Variants in PPP2R2B observed in about 807,000 individuals in gnomAD.
PPP2R2B encodes the protein serine/threonine-protein phosphatase 2A 55 kDa regulatory subunit B beta isoform.
Under a neutral mutation model 46.0 loss-of-function variants are expected in PPP2R2B, and 5 were observed. The ratio of observed to expected loss-of-function variants is 0.11; its 90% CI spans 0.06 to 0.23. The LOEUF is 0.23. Ranked by LOEUF, PPP2R2B falls within the 10% of genes least tolerant of loss-of-function variation. PPP2R2B has a pLI of 1.00. For missense variants in PPP2R2B, 367 were observed against 575.0 expected, an observed-to-expected ratio of 0.64 and a Z score of 3.70; for synonymous variants, 215 against 206.7, an observed-to-expected ratio of 1.04 and a Z score of -0.34.
intron 5 of PPP2R2B, among the ~76,000 whole-genome samples, chr5:146,654,248 T>G (rs1211445788): frequency 6.6e-6 from 1 of 152,114 alleles, no homozygotes; most frequent in Non-Finnish European, 1.5e-5. Context: ...GATTCCTCTG[T>G]TTGCCCCATT....
chr5:146,829,621 T>C (rs899406257), intron 2 of PPP2R2B, among the ~76,000 whole-genome samples: 2 of 152,146 alleles, frequency 1.3e-5, no homozygotes, highest in African/African-American at 4.8e-5. Context: ...GCCTATTTCA[T>C]AGAGACACCA....
At position 146,981,787 on chromosome 5, in the gene PPP2R2B, C is replaced by T. The variant is rs190834018; in HGVS notation, c.79+73878G>A. Among the ~76,000 whole-genome samples, 140 of 152,278 alleles carry T rather than the reference C, an allele frequency of 9.2e-4. 1 individual carries two copies. Among genetic ancestry groups the T allele is most frequent in the African/African-American group, 3.1e-3 (129 of 41,532 alleles). ...GCCTTGGCAACTACTAATCTGTTCT[C>T]CAATCCTATAATTTTGTCTTTGCAA... On this transcript the variant is annotated intron_variant, in intron 1 of 8. Transcript: ENST00000336640.
chr5:146,776,513 A>T (rs1018108369), intron 2 of PPP2R2B, among the ~76,000 whole-genome samples: 2 of 152,164 alleles, frequency 1.3e-5, no homozygotes, highest in African/African-American at 4.8e-5. Context: ...AATAAACTAC[A>T]AACTTCAATT....
intron 2 of PPP2R2B, among the ~76,000 whole-genome samples, chr5:146,826,904 C>T (rs1582202169): frequency 6.6e-6 from 1 of 152,112 alleles, no homozygotes; most frequent in East Asian, 1.9e-4. Flanking sequence ...TTTTACCTTG[C>T]TATCTAACTT....
intron 2 of PPP2R2B, among the ~76,000 whole-genome samples, chr5:146,838,570 C>CAAAA (rs67308237): frequency 2.5e-4 from 24 of 97,272 alleles, no homozygotes; most frequent in African/African-American, 8.2e-4. Flanking sequence ...GCCTCCATCT[C>CAAAA]AAAAAAAAAA....
intron 2 of PPP2R2B, among the ~76,000 whole-genome samples, chr5:146,788,191 T>C (rs1020353575): frequency 3.3e-5 from 5 of 152,180 alleles, no homozygotes; most frequent in Non-Finnish European, 1.5e-5. Context: ...AGCTATATTT[T>C]GTCTTGGAGG....
intron 2 of PPP2R2B, among the ~76,000 whole-genome samples, chr5:146,831,498 CAAAAAAAAAAAAAAAA>C (rs34975709): frequency 1.8e-5 from 1 of 54,920 alleles, no homozygotes; most frequent in South Asian, 1.1e-3. Flanking sequence ...CTCCATCTCT[CAAAAAAAAAAAAAAAA>C]AAAAAAAAAG....
intron 1 of PPP2R2B, among the ~76,000 whole-genome samples, chr5:146,934,403 G>A (rs1033161795): frequency 6.6e-6 from 1 of 151,142 alleles, no homozygotes; most frequent in Non-Finnish European, 1.5e-5. Context: ...ATCTCATTGT[G>A]GTTTTGATTT....
intron 1 of PPP2R2B, among the ~76,000 whole-genome samples, chr5:146,951,161 C>T (rs780499849): frequency 5.9e-5 from 9 of 151,836 alleles, no homozygotes; most frequent in Non-Finnish European, 1.0e-4. Context: ...GAATGGTACT[C>T]TGGAATCTCT....
At position 146,590,198 on chromosome 5, in the gene PPP2R2B, A is replaced by T. The variant is rs1770467802; in HGVS notation, c.1081T>A (p.Phe361Ile). The T allele has an allele frequency of 6.2e-7, 1 of 1,614,088 alleles. No homozygotes were observed. The highest frequency in any genetic ancestry group is 8.5e-7 in the Non-Finnish European group (1 of 1,179,996). The change falls in exon 10 of 10, where the codon TTC becomes ATC. Residue 361 changes from phenylalanine to isoleucine, a missense_variant. Physicochemically the swap from Phe to Ile is conservative, Grantham distance 21. Coordinates refer to ENST00000394411, the MANE Select transcript of PPP2R2B (RefSeq NM_181675.4). ...SVIMTGSYNN[F>I]FRMFDRNTKR... is the part of the protein sequence containing the mutation. The stretch of plus-strand genomic sequence containing the variant: ...GTGTTTCTGTCGAACATCCTGAAGA[A>T]GTTGTTGTAGGAGCCTGTCATGATG...
chr5:146,864,521 A>G (rs958812041), intron 2 of PPP2R2B, among the ~76,000 whole-genome samples: 2 of 151,814 alleles, frequency 1.3e-5, no homozygotes, highest in Admixed American at 6.6e-5. Context: ...CTTTGAAGTT[A>G]CCTACTCACC....
At chr5:147,062,261 T>C (rs930315881) in intron 2 of PPP2R2B, among the ~76,000 whole-genome samples, 2 of 152,200 alleles carry the variant, frequency 1.3e-5, no homozygotes, top group African/African-American at 4.8e-5. Context: ...TTTGTGTAAG[T>C]GCACTCTAGG....
intron 8 of PPP2R2B, among the ~76,000 whole-genome samples, chr5:146,595,517 T>C (rs529349615): frequency 6.3e-4 from 96 of 152,336 alleles, no homozygotes; most frequent in South Asian, 3.1e-3. Context: ...AAATAATTCT[T>C]GAAAGATAGA....
intron 2 of PPP2R2B, among the ~76,000 whole-genome samples, chr5:146,837,078 T>C (rs1372722502): frequency 6.6e-6 from 1 of 152,172 alleles, no homozygotes; most frequent in Non-Finnish European, 1.5e-5. Context: ...GTACAGACAG[T>C]TATGACTTAG....
chr5:146,766,646 A>G (rs1015622855), intron 2 of PPP2R2B, among the ~76,000 whole-genome samples: 2 of 152,204 alleles, frequency 1.3e-5, no homozygotes, highest in African/African-American at 4.8e-5. Flanking sequence ...TCAAATGAGA[A>G]AACAGGCTCA....
chr5:146,592,704 T>C (rs1770779372), intron 9 of PPP2R2B, among the ~76,000 whole-genome samples: 1 of 152,186 alleles, frequency 6.6e-6, no homozygotes, highest in South Asian at 2.1e-4. Context: ...GTGCTGGAGG[T>C]GTCTTGTGTG....
intron 4 of PPP2R2B, among the ~76,000 whole-genome samples, chr5:146,693,676 C>T (rs181970574): frequency 6.6e-6 from 1 of 152,310 alleles, no homozygotes; most frequent in East Asian, 1.9e-4. Context: ...GCCTCAGTTT[C>T]TTTATTTGTA....
chr5:146,969,525 G>C (rs1041775723), intron 1 of PPP2R2B, among the ~76,000 whole-genome samples: 1 of 152,178 alleles, frequency 6.6e-6, no homozygotes, highest in Non-Finnish European at 1.5e-5. Context: ...TTTCTTATCA[G>C]ATCATTCCGC....
intron 1 of PPP2R2B, among the ~76,000 whole-genome samples, chr5:146,932,455 T>C (rs1243953887): frequency 6.6e-6 from 1 of 151,868 alleles, no homozygotes; most frequent in Non-Finnish European, 1.5e-5. Context: ...TCTCAGGAGG[T>C]CTCATGGTTT....
Sources: allele counts gnomAD v4.1 joint callset (sites outside exome capture counted in the v4.1 genomes callset), GRCh38; gene constraint gnomAD v4.1.1; transcripts MANE v1.5; gene names NCBI Gene and HGNC (gene_info 2026-07-23, HGNC 2026-07-21).